Variants in NCAPH observed in about 807,000 individuals in gnomAD.
NCAPH encodes the protein non-SMC condensin I complex subunit H, also known as condensin complex subunit 2.
A neutral mutation model predicts 85.5 loss-of-function variants in NCAPH; 38 were observed. The ratio of observed to expected loss-of-function variants is 0.44; its 90% CI spans 0.34 to 0.58. The LOEUF (loss-of-function observed/expected upper bound fraction) is 0.58. Among genes scored for constraint, NCAPH ranks in the 20% least tolerant of loss-of-function variants. The probability of loss-of-function intolerance (pLI) is 0.01; values close to 1 mark genes in which losing one functional copy is unlikely to be tolerated. For missense variants in NCAPH, 789 were observed against 916.6 expected, an observed-to-expected ratio of 0.86 and a Z score of 1.80; for synonymous variants, 301 against 335.1, an observed-to-expected ratio of 0.90 and a Z score of 1.11.
intron 1 of NCAPH, among the ~76,000 whole-genome samples, chr2:96,338,241 GAAAA>G (rs34560390): frequency 2.5e-5 from 2 of 80,860 alleles, no homozygotes; most frequent in East Asian, 3.4e-4. Context: ...CTATTTTATT[GAAAA>G]AAAAAAAAAA....
intron 14 of NCAPH, among the ~76,000 whole-genome samples, 191 bp from the exon 15 acceptor site, chr2:96,367,066 A>C (rs1412337546): frequency 6.6e-6 from 1 of 152,170 alleles, no homozygotes; most frequent in Non-Finnish European, 1.5e-5. Context: ...ATTGCCATCC[A>C]GCCTGGGTGA....
intron 6 of NCAPH, among the ~76,000 whole-genome samples, chr2:96,349,655 T>C (rs2064410432): frequency 6.6e-6 from 1 of 152,214 alleles, no homozygotes; most frequent in Non-Finnish European, 1.5e-5. Flanking sequence ...ACACTTGGGA[T>C]TACAGGTGTA....
At chr2:96,370,103 C>T (rs1298818799) in intron 17 of NCAPH, among the ~76,000 whole-genome samples, 1 of 152,158 alleles carries the variant, frequency 6.6e-6, no homozygotes, top group Non-Finnish European at 1.5e-5. Context: ...AGTGGTACTA[C>T]CCAGGGATAC....
intron 7 of NCAPH, among the ~76,000 whole-genome samples, chr2:96,352,654 C>T (rs62153910): frequency 0.01 from 1,597 of 152,232 alleles, 9 homozygotes; most frequent in Non-Finnish European, 0.016. Context: ...AGAAGAGCTG[C>T]CCCCTCCTGC....
In NCAPH at chr2:96,372,072, T is replaced by C. The variant is rs552606721; in HGVS notation, c.2167-1220T>C. ...TTCTGTCTTTAGTGGCAAGGAAAGG[T>C]GCGAGTGACTGTTGAGCCCTGGCAC... is the stretch of plus-strand genomic sequence containing the variant. On this transcript the variant is annotated intron_variant, in intron 17 of 17. Transcript: ENST00000240423. 3.3e-5 allele frequency among the ~76,000 whole-genome samples: 5 copies of C among 152,294 alleles called. No homozygotes were observed. The East Asian group carries it at 7.7e-4, about 24-fold the overall frequency.
At position 96,376,246 on chromosome 2, in the gene NCAPH, G is replaced by T. The variant is rs2064830513; in HGVS notation, c.*2895G>T. On this transcript the variant is annotated 3_prime_UTR_variant, in exon 18 of 18. Coordinates refer to ENST00000240423, the MANE Select transcript of NCAPH (RefSeq NM_015341.5). The stretch of plus-strand genomic sequence containing the variant: ...ACAGAACCAGAATTTAAGGGCAGGA[G>T]AATTTGCAAGATAGAATTTGCAATT... 6.6e-6 allele frequency among the ~76,000 whole-genome samples: 1 copy of T among 152,224 alleles called. No homozygotes were observed. Among genetic ancestry groups the T allele is most frequent in the Non-Finnish European group, 1.5e-5 (1 of 68,040 alleles).
Position 96,341,615 on chromosome 2 carries a change from G to A in NCAPH, c.20-27G>A, listed in dbSNP as rs77775372. The A allele has an allele frequency of 3.8e-4, 601 of 1,602,640 alleles. No homozygotes were observed. The African/African-American group carries it at 6.9e-3, about 18-fold the overall frequency. ...GGATATAGGAAATGTTCTCTTGAAG[G>A]TTTCTTGAGCAAGAATTTTGTTCCA... On this transcript the variant is annotated intron_variant, in intron 1 of 17. Transcript: ENST00000240423.
intron 6 of NCAPH, among the ~76,000 whole-genome samples, chr2:96,346,731 T>C (rs1034871666): frequency 6.6e-6 from 1 of 151,600 alleles, no homozygotes; most frequent in African/African-American, 2.4e-5. Context: ...GGCCCTAGAA[T>C]TGAGGATATA....
chr2:96,370,890 T>C (rs1450668527), intron 17 of NCAPH, among the ~76,000 whole-genome samples: 3 of 152,188 alleles, frequency 2.0e-5, no homozygotes, highest in Non-Finnish European at 4.4e-5. Context: ...CCAGGAATGC[T>C]GAACTTGCAT....
At chr2:96,354,493 C>G (rs2064496034) in intron 9 of NCAPH, 105 bp downstream of exon 9, 2 of 1,021,952 alleles carry the variant, frequency 2.0e-6, no homozygotes, top group Non-Finnish European at 2.6e-6. Context: ...TTTTTTTTTC[C>G]CCCCCCAAAA....
At chr2:96,345,099 C>T (rs990622010) in intron 6 of NCAPH, among the ~76,000 whole-genome samples, 2 of 152,206 alleles carry the variant, frequency 1.3e-5, no homozygotes, top group African/African-American at 4.8e-5. Context: ...CTGGGAGTTC[C>T]TTTTCCCCAA....
Position 96,349,089 on chromosome 2 carries a change from C to T in NCAPH, c.721-2742C>T, listed in dbSNP as rs185370097. The stretch of plus-strand genomic sequence containing the variant: ...CTCAATTCTGGGAGCCTGAGGAAAA[C>T]GGACTATTTCCCAGGCCTGCATTAG... On this transcript the variant is annotated intron_variant, in intron 6 of 17. Transcript: ENST00000240423. 5.3e-5 allele frequency among the ~76,000 whole-genome samples: 8 copies of T among 152,250 alleles called. No individual in the cohort carries two copies. The East Asian group carries it at 5.8e-4, about 11-fold the overall frequency.
At chr2:96,357,252 C>A (rs562464376) in intron 9 of NCAPH, among the ~76,000 whole-genome samples, 2 of 152,036 alleles carry the variant, frequency 1.3e-5, no homozygotes, top group East Asian at 3.9e-4. Flanking sequence ...AAGGAGGGAC[C>A]CTGTGATATT....
At chr2:96,343,986 G>A (rs2064330210) in intron 5 of NCAPH, 119 bp from the exon 6 acceptor site, 1 of 1,309,676 alleles carries the variant, frequency 7.6e-7, no homozygotes, top group Non-Finnish European at 1.0e-6. Context: ...ACAGGCATGA[G>A]CCACCACACC....
At chr2:96,339,763 A>G (rs1305737331) in intron 1 of NCAPH, among the ~76,000 whole-genome samples, 2 of 152,002 alleles carry the variant, frequency 1.3e-5, no homozygotes, top group Non-Finnish European at 2.9e-5. Flanking sequence ...AAATCCAATG[A>G]TCAGTTCTCA....
chr2:96,358,214 CTAA>C (rs1340666335), intron 9 of NCAPH, among the ~76,000 whole-genome samples: 1 of 152,202 alleles, frequency 6.6e-6, no homozygotes, highest in Non-Finnish European at 1.5e-5. Flanking sequence ...GCTGGATGAC[CTAA>C]CAGATTATAA....
intron 9 of NCAPH, among the ~76,000 whole-genome samples, chr2:96,355,567 C>T (rs2064512514): frequency 6.6e-6 from 1 of 152,048 alleles, no homozygotes; most frequent in South Asian, 2.1e-4. Flanking sequence ...TAGCACCCTG[C>T]TCTCCGGAAT....
Position 96,359,093 on chromosome 2 carries a change from C to T in NCAPH, c.1257C>T (p.Pro419=). ...ATGGAGACATCAGGACCATGTGCCCCCTTCTGTCTATGAAACCTGGAGAAT... is the reference window on the plus strand; with the variant it reads ...ATGGAGACATCAGGACCATGTGCCCTCTTCTGTCTATGAAACCTGGAGAAT... ...LGDGDIRTMC[P]LLSMKPGEYS... Residue 419 remains proline (P), a synonymous_variant, in exon 10 of 18, where the codon CCC becomes CCT. Coordinates refer to ENST00000240423, the MANE Select transcript of NCAPH (RefSeq NM_015341.5). The T allele has an allele frequency of 6.2e-7, 1 of 1,614,164 alleles. No individual in the cohort carries two copies. The highest frequency in any genetic ancestry group is 8.5e-7 in the Non-Finnish European group (1 of 1,180,036).
intron 6 of NCAPH, among the ~76,000 whole-genome samples, chr2:96,344,798 T>G (rs1024752152): frequency 6.6e-6 from 1 of 152,222 alleles, no homozygotes; most frequent in African/African-American, 2.4e-5. Flanking sequence ...CACAGTTAAT[T>G]TAAAGCAAAC....
Sources: gnomAD v4.1 joint callset for allele counts (sites outside exome capture counted in the v4.1 genomes callset) on GRCh38, gnomAD v4.1.1 for gene constraint, MANE v1.5 for transcripts, NCBI Gene and HGNC (gene_info 2026-07-23, HGNC 2026-07-21) for gene names.